The following PDE4B variants were observed in gnomAD, a reference collection of about 807,000 sequenced individuals.
The protein encoded by PDE4B is phosphodiesterase 4B, also known as 3',5'-cyclic-AMP phosphodiesterase 4B.
PDE4B carries 20 observed loss-of-function variants against 82.2 expected under a neutral mutation model. That is an observed-to-expected ratio of 0.24 (90% CI 0.17 to 0.35). PDE4B has a LOEUF of 0.35. Ranked by LOEUF, PDE4B falls within the 10% of genes least tolerant of loss-of-function variation. The probability of loss-of-function intolerance (pLI) is 1.00; values close to 1 mark genes in which losing one functional copy is unlikely to be tolerated. For synonymous variants in PDE4B, 320 were observed against 318.9 expected (o/e 1.00, Z -0.04); for missense variants, 655 against 907.2 (o/e 0.72, Z 3.57).
At chr1:66,138,662 A>G (rs1646109393) in intron 3 of PDE4B, among the ~76,000 whole-genome samples, 1 of 152,250 alleles carries the variant, frequency 6.6e-6, no homozygotes, top group African/African-American at 2.4e-5. Context: ...TTGTTAATAC[A>G]ACACTAATGG....
At chr1:65,955,452 A>G (rs1649207811) in intron 3 of PDE4B, among the ~76,000 whole-genome samples, 1 of 152,136 alleles carries the variant, frequency 6.6e-6, no homozygotes, top group South Asian at 2.1e-4. Context: ...CAACAAAAGC[A>G]TAGAAATAGT....
intron 8 of PDE4B, among the ~76,000 whole-genome samples, chr1:66,352,203 G>A (rs558624272): frequency 1.1e-4 from 17 of 152,174 alleles, no homozygotes; most frequent in Non-Finnish European, 1.9e-4. Flanking sequence ...TGCATACTTC[G>A]CCATGTTGTG....
intron 3 of PDE4B, among the ~76,000 whole-genome samples, chr1:66,137,508 C>T (rs756686845): frequency 6.6e-6 from 1 of 152,174 alleles, no homozygotes; most frequent in Non-Finnish European, 1.5e-5. Flanking sequence ...CTAATCCACT[C>T]ATTTAGAAAT....
intron 9 of PDE4B, among the ~76,000 whole-genome samples, chr1:66,358,449 C>T (rs1262860789): frequency 6.6e-6 from 1 of 152,070 alleles, no homozygotes; most frequent in East Asian, 1.9e-4. Context: ...CCGAGATGGG[C>T]AGATCACCTG....
At chr1:66,047,408 C>A (rs890567800) in intron 3 of PDE4B, among the ~76,000 whole-genome samples, 4 of 151,728 alleles carry the variant, frequency 2.6e-5, no homozygotes, top group African/African-American at 9.7e-5. Context: ...TTGTTGTTAT[C>A]CAAAGAGAAG....
At chr1:66,277,638 C>T (rs1336984395) in intron 7 of PDE4B, among the ~76,000 whole-genome samples, 2 of 152,220 alleles carry the variant, frequency 1.3e-5, no homozygotes, top group Non-Finnish European at 2.9e-5. Flanking sequence ...TCGTGATCTG[C>T]GTGCCTCGGC....
chr1:66,003,639 C>T (rs866090298), intron 3 of PDE4B, among the ~76,000 whole-genome samples: 4 of 152,172 alleles, frequency 2.6e-5, no homozygotes, highest in South Asian at 2.1e-4. Context: ...TTTGTTGCAG[C>T]ACAGAGGATC....
chr1:65,865,671 A>G (rs1191322685), intron 1 of PDE4B, among the ~76,000 whole-genome samples: 1 of 152,168 alleles, frequency 6.6e-6, no homozygotes, highest in East Asian at 1.9e-4. Flanking sequence ...CAGGTGAGGC[A>G]TGCCCCACTC....
At chr1:65,818,365 T>G (rs1645909566) in intron 1 of PDE4B, among the ~76,000 whole-genome samples, 1 of 152,204 alleles carries the variant, frequency 6.6e-6, no homozygotes, top group South Asian at 2.1e-4. Flanking sequence ...GATCTTTTCA[T>G]GCTTTTGCTC....
At chr1:66,126,013 C>T (rs932601569) in intron 3 of PDE4B, among the ~76,000 whole-genome samples, 2 of 152,172 alleles carry the variant, frequency 1.3e-5, no homozygotes, top group African/African-American at 2.4e-5. Context: ...ACCATGTTGG[C>T]CAGGCTGGTC....
intron 3 of PDE4B, among the ~76,000 whole-genome samples, chr1:66,011,999 G>C (rs1292395365): frequency 6.6e-6 from 1 of 151,962 alleles, no homozygotes; most frequent in Non-Finnish European, 1.5e-5. Context: ...TGTTAATTGA[G>C]ACCAAGACAT....
At chr1:66,297,973 A>G (rs1657629051) in intron 7 of PDE4B, among the ~76,000 whole-genome samples, 1 of 152,160 alleles carries the variant, frequency 6.6e-6, no homozygotes, top group Non-Finnish European at 1.5e-5. Context: ...ATCCTATTAT[A>G]TGTAAAAGTC....
At chr1:66,141,407 A>G (rs1020500560) in intron 3 of PDE4B, among the ~76,000 whole-genome samples, 1 of 146,678 alleles carries the variant, frequency 6.8e-6, no homozygotes, top group Non-Finnish European at 1.5e-5. Flanking sequence ...AGAATTGAGC[A>G]AAGTTTCCCG....
At chr1:66,230,964 G>A (rs1181939291) in intron 3 of PDE4B, among the ~76,000 whole-genome samples, 1 of 151,664 alleles carries the variant, frequency 6.6e-6, no homozygotes, top group Non-Finnish European at 1.5e-5. Flanking sequence ...AACCCAGGAG[G>A]CGGAGGTTGC....
intron 1 of PDE4B, among the ~76,000 whole-genome samples, chr1:65,842,146 C>T (rs1459782334): frequency 6.6e-6 from 1 of 152,164 alleles, no homozygotes; most frequent in Admixed American, 6.5e-5. Flanking sequence ...TAGGGAGATA[C>T]TATTTTCAAG....
intron 8 of PDE4B, among the ~76,000 whole-genome samples, chr1:66,334,335 A>G (rs1660346731): frequency 6.6e-6 from 1 of 152,236 alleles, no homozygotes. Flanking sequence ...GAGTGTCAAT[A>G]TGCTGTAGTA....
At chr1:65,966,826 C>A (rs1569842961) in intron 3 of PDE4B, among the ~76,000 whole-genome samples, 1 of 152,278 alleles carries the variant, frequency 6.6e-6, no homozygotes, top group Middle Eastern at 3.4e-3. Context: ...GGAAAACAGG[C>A]TAGCCATATG....
rs575209082 is a variant in PDE4B at position 66,058,786 on chromosome 1, CT to C, written c.281+139952del. ...CGGGCCATGAAACCATTTTTTCCCC[CT>C]AGACCTCCAGTAAAGGAAGGGGAGG... On this transcript the variant is annotated intron_variant, in intron 3 of 16. Transcript: ENST00000341517. 4.0e-3 allele frequency among the ~76,000 whole-genome samples: 614 copies of C among 152,344 alleles called. 16 individuals are homozygous for C. The South Asian group carries it at 0.064, about 16-fold the overall frequency.
intron 6 of PDE4B, among the ~76,000 whole-genome samples, chr1:66,259,911 T>C (rs552521907): frequency 2.6e-5 from 4 of 152,322 alleles, no homozygotes; most frequent in African/African-American, 7.2e-5. Context: ...TTGAAAATGA[T>C]GCACTTGGGC....
Sources: allele counts gnomAD v4.1 joint callset (sites outside exome capture counted in the v4.1 genomes callset), GRCh38; gene constraint gnomAD v4.1.1; transcripts MANE v1.5; gene names NCBI Gene and HGNC (gene_info 2026-07-23, HGNC 2026-07-21).